Variants in NRN1 observed in about 807,000 individuals in gnomAD.
The protein encoded by NRN1 is neuritin 1.
Under a neutral mutation model 15.0 loss-of-function variants are expected in NRN1, and 4 were observed. That is an observed-to-expected ratio of 0.27 (90% CI 0.13 to 0.61). The LOEUF is 0.61. NRN1 is among the 20% of genes least tolerant of loss of function. The pLI, the probability that NRN1 is intolerant of heterozygous loss-of-function variation, is 0.87. For missense variants in NRN1, 134 were observed against 181.9 expected (o/e 0.74, Z 1.51); for synonymous variants, 85 against 79.8 (o/e 1.07, Z -0.35).
In NRN1 at chr6:5,998,997, T is replaced by A. The variant is rs1244441492; in HGVS notation, c.408A>T (p.Leu136Phe). 1 of 1,612,274 alleles carries A rather than the reference T, an allele frequency of 6.2e-7. No homozygotes were observed. The highest frequency in any genetic ancestry group is 1.1e-5 in the South Asian group (1 of 90,964). Reference sequence around the variant, plus strand: ...ACGCTCAGAAGGAAAGCCAGGTCGCTAAAGCTGCCGAGAGAGACACCAGGA... The same window carrying A: ...ACGCTCAGAAGGAAAGCCAGGTCGCAAAAGCTGCCGAGAGAGACACCAGGA... ...PVLLVSLSAA[L>F]ATWLSF Residue 136 changes from leucine (L) to phenylalanine (F), a missense_variant, in exon 3 of 3, where the codon TTA (leucine) becomes TTT (phenylalanine). Physicochemically the swap from Leu to Phe is conservative, Grantham distance 22. Coordinates refer to ENST00000244766, the MANE Select transcript of NRN1 (RefSeq NM_016588.3).
chr6:6,005,419 A>G (rs749445417), intron 1 of NRN1, among the ~76,000 whole-genome samples: 1 of 152,202 alleles, frequency 6.6e-6, no homozygotes, highest in East Asian at 1.9e-4. Context: ...AATATCCTGC[A>G]CTCACACACT....
chr6:6,003,835 G>C (rs1318494104), intron 1 of NRN1: 1 of 1,233,276 alleles, frequency 8.1e-7, no homozygotes, highest in Admixed American at 4.2e-5. Flanking sequence ...GCGTTAGGGC[G>C]GGGAAGAAAG....
intron 1 of NRN1, among the ~76,000 whole-genome samples, chr6:6,004,511 G>C (rs1219482189): frequency 6.6e-6 from 1 of 152,220 alleles, no homozygotes; most frequent in Admixed American, 6.5e-5. Flanking sequence ...CTCGCCGGGG[G>C]CGGGAGCGCT....
At chr6:6,005,617 T>C (rs918832281) in intron 1 of NRN1, among the ~76,000 whole-genome samples, 1 of 152,076 alleles carries the variant, frequency 6.6e-6, no homozygotes, top group South Asian at 2.1e-4. Context: ...AAGCACCCCC[T>C]CCCCCAATAC....
At chr6:6,002,147 C>T (rs138382868) in intron 2 of NRN1, among the ~76,000 whole-genome samples, 27 of 152,366 alleles carry the variant, frequency 1.8e-4, no homozygotes, top group Non-Finnish European at 3.1e-4. Flanking sequence ...CATATCCCAC[C>T]CCGGGCTGTG....
intron 1 of NRN1, among the ~76,000 whole-genome samples, chr6:6,006,102 G>C (rs1277816349): frequency 6.6e-6 from 1 of 152,164 alleles, no homozygotes; most frequent in African/African-American, 2.4e-5. Flanking sequence ...TCAATGGTAA[G>C]CATGTTAAAA....
intron 1 of NRN1, among the ~76,000 whole-genome samples, chr6:6,005,116 C>T (rs897292076): frequency 7.2e-5 from 11 of 152,124 alleles, no homozygotes; most frequent in African/African-American, 2.7e-4. Flanking sequence ...CCCTCAGGCA[C>T]GACCACCGTC....
Position 5,999,135 on chromosome 6 carries a change from C to T in NRN1, c.270G>A (p.Met90Ile). The T allele has an allele frequency of 6.2e-7, 1 of 1,614,196 alleles. No individual in the cohort carries two copies. Among genetic ancestry groups the T allele is most frequent in the East Asian group, 2.2e-5 (1 of 44,880 alleles). Reference protein sequence around the residue: ...LTDCQEGAKDMWDKLRKESKN... With the variant: ...LTDCQEGAKDIWDKLRKESKN... The stretch of plus-strand genomic sequence containing the variant: ...TGGATTCTTTTCTCAGTTTATCCCA[C>T]ATATCTTTCGCCCCTTCCTGGCAAT... Residue 90 changes from methionine (M) to isoleucine (I), a missense_variant, in exon 3 of 3, where the codon ATG becomes ATA. Transcript: ENST00000244766.
chr6:5,999,891 G>C (rs986117736), intron 2 of NRN1, among the ~76,000 whole-genome samples: 6 of 152,040 alleles, frequency 3.9e-5, no homozygotes, highest in African/African-American at 1.5e-4. Context: ...GCTCTCCACA[G>C]TTCCCGGCTC....
At chr6:6,000,274 A>G (rs687349) in intron 2 of NRN1, among the ~76,000 whole-genome samples, 72,146 of 151,954 alleles carry the variant, frequency 0.47, 18,289 homozygotes, top group East Asian at 0.74. Context: ...TCCTAGACCC[A>G]CCCCCACAAC....
intron 1 of NRN1, among the ~76,000 whole-genome samples, chr6:6,004,994 C>A (rs530561917): frequency 2.0e-4 from 30 of 151,894 alleles, no homozygotes; most frequent in Non-Finnish European, 2.5e-4. Context: ...TAATAAAGAC[C>A]GAGGTTCTGT....
In NRN1 at chr6:6,003,628, TCCAAG is replaced by T. The variant is rs1582993590; in HGVS notation, c.56-1136_56-1132del. ...GGAGGAAACACAGGCCGCACGAAGG[TCCAAG>T]CCCCAAGCCCCCAAGCCCCCGGCCT... On this transcript the variant is annotated intron_variant, in intron 1 of 2. Coordinates refer to ENST00000244766, the MANE Select transcript of NRN1 (RefSeq NM_016588.3). The T allele has an allele frequency of 3.8e-5, 38 of 1,009,522 alleles. No homozygotes were observed. In the East Asian group the frequency reaches 1.2e-3, roughly 33 times the overall value. The allele number at this position is 1,009,522 out of a possible 1,614,324, so 62.5% of individuals were successfully genotyped here. A position where few individuals can be genotyped will look rare whatever the true frequency, so the allele number is the denominator to read the frequency against.
chr6:6,003,272 G>A, intron 1 of NRN1: 1 of 1,234,420 alleles, frequency 8.1e-7, no homozygotes, highest in Non-Finnish European at 1.0e-6. Context: ...ATGATGAGTG[G>A]TCTGGAGAGG....
intron 2 of NRN1, among the ~76,000 whole-genome samples, chr6:6,001,511 C>T (rs968717202): frequency 2.0e-5 from 3 of 152,144 alleles, no homozygotes; most frequent in Non-Finnish European, 4.4e-5. Context: ...GCTTTCTAGC[C>T]AAGCTCTGAG....
At chr6:6,005,807 C>T (rs1758097194) in intron 1 of NRN1, among the ~76,000 whole-genome samples, 1 of 152,144 alleles carries the variant, frequency 6.6e-6, no homozygotes, top group South Asian at 2.1e-4. Flanking sequence ...TTTTCTAGTG[C>T]CCTCTTCTAT....
chr6:6,003,596 A>G, intron 1 of NRN1: 1 of 683,886 alleles, frequency 1.5e-6, no homozygotes, highest in Non-Finnish European at 2.1e-6. Context: ...CGGGAGGAGG[A>G]GGAGGAGGAG....
At chr6:6,003,247 T>C (rs1758011014) in intron 1 of NRN1, 1 of 1,234,504 alleles carries the variant, frequency 8.1e-7, no homozygotes. Flanking sequence ...CTGGACGTCC[T>C]GAGACCTGGC....
chr6:6,002,520 G>C (rs1474840737), intron 1 of NRN1, 23 bp from the exon 2 acceptor site: 1 of 1,604,976 alleles, frequency 6.2e-7, no homozygotes, highest in Non-Finnish European at 8.5e-7. Flanking sequence ...GGGAACACCG[G>C]TCAGCAGCGC....
At chr6:6,000,754 C>CTTTTTTTTTTTTTTTTTTTT (rs1561902807) in intron 2 of NRN1, among the ~76,000 whole-genome samples, 1 of 83,732 alleles carries the variant, frequency 1.2e-5, no homozygotes, top group African/African-American at 4.5e-5. Context: ...TTTTTATGTA[C>CTTTTTTTTTTTTTTTTTTTT]GCCCAGATGA....
Sources: allele counts gnomAD v4.1 joint callset (sites outside exome capture counted in the v4.1 genomes callset), GRCh38; gene constraint gnomAD v4.1.1; transcripts MANE v1.5; gene names NCBI Gene and HGNC (gene_info 2026-07-23, HGNC 2026-07-21).